Variants in CDH18 observed in about 807,000 individuals in gnomAD.
CDH18 encodes cadherin-18.
A neutral mutation model predicts 67.9 loss-of-function variants in CDH18; 31 were observed. The observed-to-expected ratio is 0.46, with a 90% CI of 0.34 to 0.62. CDH18 has a LOEUF of 0.62. Ranked by LOEUF, CDH18 falls within the 20% of genes least tolerant of loss-of-function variation. The pLI, the probability that CDH18 is intolerant of heterozygous loss-of-function variation, is 0.01. For missense variants in CDH18, 890 were observed against 975.5 expected, an observed-to-expected ratio of 0.91 and a Z score of 1.17; for synonymous variants, 362 against 347.2, an observed-to-expected ratio of 1.04 and a Z score of -0.48.
chr5:19,716,789 T>C (rs867461443), intron 5 of CDH18, among the ~76,000 whole-genome samples: 1 of 152,118 alleles, frequency 6.6e-6, no homozygotes, highest in Admixed American at 6.6e-5. Context: ...TGTCTGATCT[T>C]ACTATTTTTA....
intron 3 of CDH18, among the ~76,000 whole-genome samples, chr5:19,794,586 T>A (rs115471063): frequency 0.014 from 2,123 of 152,166 alleles, 23 homozygotes; most frequent in African/African-American, 0.031. Context: ...TTTCTCTCTC[T>A]CCCCTAATAT....
chr5:20,238,002 T>C (rs1391441266), intron 2 of CDH18, among the ~76,000 whole-genome samples: 4 of 151,866 alleles, frequency 2.6e-5, no homozygotes, highest in African/African-American at 9.7e-5. Context: ...ATAGGTGCAA[T>C]TATATATGGG....
rs574824080 is a variant in CDH18, at chr5:19,793,346, A to G, written c.228+45413T>C. Among the ~76,000 whole-genome samples the G allele has an allele frequency of 8.5e-5, 13 of 152,294 alleles. 1 individual carries two copies. The South Asian group carries it at 2.7e-3, about 32-fold the overall frequency. ...AAATAAGTAGTATAACCATTAAAGC[A>G]GTTGTATGGAACAATCTGTAATCTA... On this transcript the variant is annotated intron_variant, in intron 3 of 12. Transcript: ENST00000382275.
At chr5:20,070,481 A>G (rs988011612) in intron 2 of CDH18, among the ~76,000 whole-genome samples, 9 of 152,154 alleles carry the variant, frequency 5.9e-5, no homozygotes, top group African/African-American at 2.2e-4. Flanking sequence ...GTAACTGCAG[A>G]TGGAGATTGA....
intron 2 of CDH18, among the ~76,000 whole-genome samples, chr5:19,931,202 C>A (rs1394125958): frequency 6.6e-6 from 1 of 151,698 alleles, no homozygotes; most frequent in Non-Finnish European, 1.5e-5. Context: ...AAAATTATTC[C>A]TTTTAGTTCA....
intron 2 of CDH18, among the ~76,000 whole-genome samples, chr5:20,191,303 T>G (rs1190192931): frequency 6.6e-6 from 1 of 152,144 alleles, no homozygotes; most frequent in Non-Finnish European, 1.5e-5. Context: ...GACCTTTCTT[T>G]AAGTAATCCT....
intron 1 of CDH18, among the ~76,000 whole-genome samples, chr5:20,441,354 G>A (rs768992567): frequency 2.6e-5 from 4 of 151,754 alleles, no homozygotes; most frequent in Non-Finnish European, 4.4e-5. Context: ...CGGGAGGGTC[G>A]CTATAATTGC....
At chr5:20,339,563 T>G (rs942988195) in intron 1 of CDH18, among the ~76,000 whole-genome samples, 1 of 151,880 alleles carries the variant, frequency 6.6e-6, no homozygotes, top group African/African-American at 2.4e-5. Context: ...TCTCTATAGG[T>G]TCCCCTGGTC....
chr5:20,057,560 T>C (rs1227032893), intron 2 of CDH18, among the ~76,000 whole-genome samples: 1 of 152,218 alleles, frequency 6.6e-6, no homozygotes, highest in Non-Finnish European at 1.5e-5. Context: ...TGAAGAAAGA[T>C]AGCTATCATG....
chr5:19,486,156 A>G (rs1315415261), intron 11 of CDH18, among the ~76,000 whole-genome samples: 1 of 152,134 alleles, frequency 6.6e-6, no homozygotes, highest in East Asian at 1.9e-4. Flanking sequence ...CAGCAGAATA[A>G]TGAACTCTTG....
intron 2 of CDH18, among the ~76,000 whole-genome samples, chr5:19,970,694 A>AC (rs1465717644): frequency 2.0e-5 from 3 of 151,586 alleles, no homozygotes; most frequent in Non-Finnish European, 2.9e-5. Context: ...AGTTCATAAG[A>AC]TTTTTTGAAA....
At chr5:19,740,433 A>AAAC (rs1419527518) in intron 4 of CDH18, among the ~76,000 whole-genome samples, 1 of 152,152 alleles carries the variant, frequency 6.6e-6, no homozygotes, top group East Asian at 1.9e-4. Context: ...ACAGTTATAG[A>AAAC]AACTCCTGAT....
intron 1 of CDH18, among the ~76,000 whole-genome samples, chr5:20,401,660 G>T (rs937382147): frequency 6.6e-6 from 1 of 151,562 alleles, no homozygotes; most frequent in Non-Finnish European, 1.5e-5. Flanking sequence ...TTTTCTTTTC[G>T]TCTTTCCCCA....
At chr5:20,015,657 G>T (rs1032592679) in intron 2 of CDH18, among the ~76,000 whole-genome samples, 1 of 152,094 alleles carries the variant, frequency 6.6e-6, no homozygotes, top group Non-Finnish European at 1.5e-5. Flanking sequence ...GGAGAACAGG[G>T]TAGAGAGCTG....
At chr5:19,825,076 C>A (rs1039929966) in intron 3 of CDH18, among the ~76,000 whole-genome samples, 7 of 151,908 alleles carry the variant, frequency 4.6e-5, no homozygotes, top group African/African-American at 1.7e-4. Context: ...GATAGCAGGG[C>A]AAGTGACCTC....
intron 1 of CDH18, among the ~76,000 whole-genome samples, chr5:20,335,606 T>A (rs1317218880): frequency 6.6e-6 from 1 of 152,192 alleles, no homozygotes; most frequent in Admixed American, 6.5e-5. Context: ...GTTTTTCTTA[T>A]CAGCATCTGA....
chr5:20,366,826 T>C (rs563271628), intron 1 of CDH18, among the ~76,000 whole-genome samples: 1 of 152,276 alleles, frequency 6.6e-6, no homozygotes, highest in African/African-American at 2.4e-5. Context: ...CTAGGACATG[T>C]AGTTTAGCAA....
intron 1 of CDH18, among the ~76,000 whole-genome samples, chr5:20,543,783 A>G (rs575171429): frequency 6.6e-6 from 1 of 152,284 alleles, no homozygotes; most frequent in Admixed American, 6.5e-5. Flanking sequence ...AATTCAGCTC[A>G]TTGCGTATAG....
intron 2 of CDH18, among the ~76,000 whole-genome samples, chr5:19,903,703 C>A (rs1260355657): frequency 7.2e-6 from 1 of 139,404 alleles, no homozygotes; most frequent in Non-Finnish European, 1.5e-5. Context: ...AACACTCAAT[C>A]GAGCACCTGA....
Sources: gnomAD v4.1 joint callset for allele counts (sites outside exome capture counted in the v4.1 genomes callset) on GRCh38, gnomAD v4.1.1 for gene constraint, MANE v1.5 for transcripts, NCBI Gene and HGNC (gene_info 2026-07-23, HGNC 2026-07-21) for gene names.